The following ZNF585B variants were observed in gnomAD, a reference collection of about 807,000 sequenced individuals.
ZNF585B encodes zinc finger protein 585B.
Under a neutral mutation model 14.0 loss-of-function variants are expected in ZNF585B, and 7 were observed. That is an observed-to-expected ratio of 0.50 (90% confidence interval 0.28 to 0.94). The LOEUF (loss-of-function observed/expected upper bound fraction) is 0.94. ZNF585B is among the 40% of genes least tolerant of loss of function. The probability of loss-of-function intolerance (pLI) is 0.09; values close to 1 mark genes in which losing one functional copy is unlikely to be tolerated. For missense variants in ZNF585B, 750 were observed against 924.4 expected (o/e 0.81, Z 2.45); for synonymous variants, 290 against 317.3 (o/e 0.91, Z 0.91).
intron 1 of ZNF585B, among the ~76,000 whole-genome samples, chr19:37,209,957 C>T (rs1053465954): frequency 1.3e-5 from 2 of 151,606 alleles, no homozygotes; most frequent in Non-Finnish European, 2.9e-5. Flanking sequence ...CCTCATGATC[C>T]GCCCGCCTGG....
chr19:37,181,622 A>C lies in ZNF585B; in HGVS notation c.*3605T>G, dbSNP rs547903976. 1 of 152,002 alleles carries C rather than the reference A, an allele frequency of 6.6e-6. No homozygotes were observed. The highest frequency in any genetic ancestry group is 6.6e-5 in the Admixed American group (1 of 15,242). 9.4% of individuals were successfully genotyped at this position (152,002 alleles called of 1,614,324 possible). A position where few individuals can be genotyped will look rare whatever the true frequency, so the allele number is the denominator to read the frequency against. Reference sequence around the variant, plus strand: ...TCATAATCAACAAAACTTGGAAGCAATTAAGGTGTCCTTCAGTAGGTGAAT... The same window carrying C: ...TCATAATCAACAAAACTTGGAAGCACTTAAGGTGTCCTTCAGTAGGTGAAT... On this transcript the variant is annotated 3_prime_UTR_variant, in exon 5 of 5. Transcript: ENST00000532828.
At chr19:37,202,334 A>G (rs1016378369) in intron 2 of ZNF585B, among the ~76,000 whole-genome samples, 2 of 152,178 alleles carry the variant, frequency 1.3e-5, no homozygotes, top group African/African-American at 4.8e-5. Flanking sequence ...TAGTGAATAC[A>G]TTTGACTTCT....
chr19:37,204,919 T>C (rs1972570249), intron 2 of ZNF585B, among the ~76,000 whole-genome samples: 1 of 152,016 alleles, frequency 6.6e-6, no homozygotes, highest in Admixed American at 6.6e-5. Context: ...ACAAATATTT[T>C]TTATTTTTAG....
Position 37,185,802 on chromosome 19 carries a change from C to T in ZNF585B, c.1735G>A (p.Val579Ile). The change falls in exon 5 of 5, where the codon GTA (valine) becomes ATA (isoleucine). Residue 579 changes from valine to isoleucine, a missense_variant. Val to Ile is a conservative substitution (Grantham distance 29). Transcript: ENST00000532828. ...QKIHTGEKPY[V>I]CTECGRAFIR... The stretch of plus-strand genomic sequence containing the variant: ...AAAGCTCTTCCACACTCAGTGCATA[C>T]ATAGGGTTTCTCTCCTGTATGAATT... 1.2e-6 allele frequency: 2 copies of T among 1,605,168 alleles called. No homozygotes were observed. Among genetic ancestry groups the T allele is most frequent in the Non-Finnish European group, 1.7e-6 (2 of 1,175,628 alleles).
chr19:37,201,299 T>C (rs988307995), intron 2 of ZNF585B, among the ~76,000 whole-genome samples: 8 of 152,094 alleles, frequency 5.3e-5, no homozygotes, highest in Admixed American at 3.9e-4. Flanking sequence ...TCAGATGCCA[T>C]TACTGTCACT....
chr19:37,187,174 T>C lies in ZNF585B; in HGVS notation c.363A>G (p.Gln121=). Residue 121 remains glutamine, a synonymous_variant, in exon 5 of 5, where the codon CAA becomes CAG. Coordinates refer to ENST00000532828, the MANE Select transcript of ZNF585B (RefSeq NM_152279.4). ...IGYKPASSQD[Q]KIYSGEKSYE... ...AGGATTTTTCCCCAGAATAAATTTTTTGATCTTGAGAGGAAGCTGGTTTAT... is the reference window on the plus strand; with the variant it reads ...AGGATTTTTCCCCAGAATAAATTTTCTGATCTTGAGAGGAAGCTGGTTTAT... 6.2e-7 allele frequency: 1 copy of C among 1,613,606 alleles called. No homozygotes were observed.
chr19:37,188,667 T>TCAAACAAA (rs111426515), intron 4 of ZNF585B, among the ~76,000 whole-genome samples: 2,617 of 150,340 alleles, frequency 0.017, 37 homozygotes, highest in Non-Finnish European at 0.029. Context: ...AGACTCCCTC[T>TCAAACAAA]CAAACAAACA....
Position 37,184,185 on chromosome 19 carries a change from C to G in ZNF585B, c.*1042G>C, listed in dbSNP as rs1476303227. The stretch of plus-strand genomic sequence containing the variant: ...AGCCTGGCCAGCATGGTGAAACCCC[C>G]GTTTCTACTAAACATACAAAAATTA... On this transcript the variant is annotated 3_prime_UTR_variant, in exon 5 of 5. Coordinates refer to ENST00000532828, the MANE Select transcript of ZNF585B (RefSeq NM_152279.4). 6.6e-6 allele frequency: 1 copy of G among 151,600 alleles called. No homozygotes were observed. Among genetic ancestry groups the G allele is most frequent in the Admixed American group, 6.6e-5 (1 of 15,144 alleles). 9.4% of individuals were successfully genotyped at this position (151,600 alleles called of 1,614,324 possible).
Position 37,184,755 on chromosome 19 carries a change from A to C in ZNF585B, c.*472T>G. 2.7e-6 allele frequency: 1 copy of C among 375,284 alleles called. No homozygotes were observed. 23.2% of individuals were successfully genotyped at this position (375,284 alleles called of 1,614,324 possible). ...GGATATGCACAACTGTGTTCGATTC[A>C]AAAGAAGAAAATACCCACAATTCTA... On this transcript the variant is annotated 3_prime_UTR_variant, in exon 5 of 5. Transcript: ENST00000532828.
At chr19:37,205,672 T>C (rs2145446449) in intron 2 of ZNF585B, among the ~76,000 whole-genome samples, 1 of 152,296 alleles carries the variant, frequency 6.6e-6, no homozygotes. Context: ...TACTTTTCAA[T>C]ATATTGCTTT....
chr19:37,196,870 T>C (rs1259941430), intron 2 of ZNF585B, among the ~76,000 whole-genome samples: 2 of 152,122 alleles, frequency 1.3e-5, no homozygotes, highest in Non-Finnish European at 2.9e-5. Context: ...AGTAGTTAAG[T>C]TTCAGGGATG....
intron 2 of ZNF585B, among the ~76,000 whole-genome samples, chr19:37,193,276 C>T (rs1308304596): frequency 2.0e-5 from 3 of 151,974 alleles, no homozygotes; most frequent in South Asian, 2.1e-4. Flanking sequence ...TTGAGACCAT[C>T]CTGGCTAACA....
At position 37,181,698 on chromosome 19, in the gene ZNF585B, A is replaced by G. The variant is rs77733118; in HGVS notation, c.*3529T>C. The G allele has an allele frequency of 2.8e-5, 4 of 142,312 alleles. No homozygotes were observed. The allele number at this position is 142,312 out of a possible 1,614,324, so 8.8% of individuals were successfully genotyped here. ...GACAATAGCATATTATTCAATGAGA[A>G]AAAAAAAAAAAAAAGAGCTAGCAAG... On this transcript the variant is annotated 3_prime_UTR_variant, in exon 5 of 5. Coordinates refer to ENST00000532828, the MANE Select transcript of ZNF585B (RefSeq NM_152279.4).
Position 37,185,459 on chromosome 19 carries a change from C to G in ZNF585B, c.2078G>C (p.Ser693Thr). The change falls in exon 5 of 5, where the codon AGT becomes ACT. Residue 693 changes from serine to threonine, a missense_variant. Transcript: ENST00000532828. Reference protein sequence around the residue: ...IHTGEKPYECSDCGKSFTKKS... With the variant: ...IHTGEKPYECTDCGKSFTKKS... ...TTTAGTGAAAGACTTCCCACAGTCACTGCACTCATAAGGTTTCTCTCCAGT... is the reference window on the plus strand; with the variant it reads ...TTTAGTGAAAGACTTCCCACAGTCAGTGCACTCATAAGGTTTCTCTCCAGT... The G allele has an allele frequency of 6.2e-7, 1 of 1,612,754 alleles. No individual in the cohort carries two copies. The highest frequency in any genetic ancestry group is 1.7e-4 in the Middle Eastern group (1 of 6,060).
rs546134574 is a variant in ZNF585B at position 37,188,924 on chromosome 19, G to A, written c.292+737C>T. Among the ~76,000 whole-genome samples the A allele has an allele frequency of 4.0e-5, 6 of 151,794 alleles. 1 individual carries two copies. In the South Asian group the frequency reaches 1.3e-3, roughly 32 times the overall value. The stretch of plus-strand genomic sequence containing the variant: ...CAAAAATAGTTAGAGAGCCTGACTG[G>A]AAATAAAGTTCTTTTTTTTTTTTTT... On this transcript the variant is annotated intron_variant, in intron 4 of 4. Transcript: ENST00000532828.
chr19:37,206,965 C>A, intron 2 of ZNF585B, 75 bp downstream of exon 2: 1 of 1,591,900 alleles, frequency 6.3e-7, no homozygotes, highest in South Asian at 1.1e-5. Flanking sequence ...TGCCTCTGCC[C>A]TAAGGCTGTG....
At chr19:37,206,777 A>G (rs1045584955) in intron 2 of ZNF585B, among the ~76,000 whole-genome samples, 2 of 152,230 alleles carry the variant, frequency 1.3e-5, no homozygotes, top group African/African-American at 4.8e-5. Context: ...CAGCCAAAAC[A>G]TCAATATAGC....
chr19:37,203,722 G>A (rs935192952), intron 2 of ZNF585B, among the ~76,000 whole-genome samples: 10 of 152,010 alleles, frequency 6.6e-5, no homozygotes, highest in African/African-American at 2.4e-4. Flanking sequence ...TCCACCTCCC[G>A]GGTTCAAGCA....
At position 37,184,995 on chromosome 19, in the gene ZNF585B, G is replaced by A. The variant is rs867534219; in HGVS notation, c.*232C>T. 22 of 453,538 alleles carry A rather than the reference G, an allele frequency of 4.9e-5. No individual in the cohort carries two copies. The South Asian group carries it at 8.0e-4, about 17-fold the overall frequency. The allele number at this position is 453,538 out of a possible 1,614,324, so 28.1% of individuals were successfully genotyped here. ...CTTTTCCTATTCACCAAATTGACTC[G>A]GTTCCTTGTCAGTATGAATAATGAC... is the stretch of plus-strand genomic sequence containing the variant. On this transcript the variant is annotated 3_prime_UTR_variant, in exon 5 of 5. Coordinates refer to ENST00000532828, the MANE Select transcript of ZNF585B (RefSeq NM_152279.4).
Sources: gnomAD v4.1 joint callset for allele counts (sites outside exome capture counted in the v4.1 genomes callset) on GRCh38, gnomAD v4.1.1 for gene constraint, MANE v1.5 for transcripts, NCBI Gene and HGNC (gene_info 2026-07-23, HGNC 2026-07-21) for gene names.